Variants in RUFY4 observed in about 807,000 individuals in gnomAD.
RUFY4 encodes RUN and FYVE domain-containing protein 4.
In RUFY4, 73 loss-of-function variants were observed where a neutral mutation model predicts 69.0. The observed-to-expected ratio is 1.06, with a 90% CI of 0.88 to 1.29. The LOEUF is 1.29. Ranked by LOEUF, RUFY4 falls within the 50% of genes most tolerant of loss-of-function variation. RUFY4 has a pLI of 0.00. For synonymous variants in RUFY4, 287 were observed against 271.8 expected (o/e 1.06, Z -0.55); for missense variants, 770 against 705.6 (o/e 1.09, Z -1.03).
intron 2 of RUFY4, among the ~76,000 whole-genome samples, chr2:218,051,682 G>C (rs1444934766): frequency 6.8e-6 from 1 of 146,306 alleles, no homozygotes; most frequent in African/African-American, 2.8e-5. Flanking sequence ...TTTTGTAAAG[G>C]GAGTTTTGTG....
chr2:218,087,851 T>C (rs987611838), intron 9 of RUFY4, among the ~76,000 whole-genome samples: 2 of 151,932 alleles, frequency 1.3e-5, no homozygotes, highest in Non-Finnish European at 2.9e-5. Context: ...AAAATTACAA[T>C]GGTAGCCAAT....
intron 8 of RUFY4, among the ~76,000 whole-genome samples, chr2:218,080,752 T>G (rs987894581): frequency 6.6e-6 from 1 of 152,170 alleles, no homozygotes; most frequent in African/African-American, 2.4e-5. Flanking sequence ...TCCATCAGCA[T>G]CCTTCCCTCC....
chr2:218,072,963 C>G, intron 4 of RUFY4, 78 bp downstream of exon 6: 1 of 1,181,178 alleles, frequency 8.5e-7, no homozygotes, highest in East Asian at 2.6e-5. Context: ...CTCCTTTAAC[C>G]CCCACAGATG....
intron 2 of RUFY4, among the ~76,000 whole-genome samples, chr2:218,039,377 T>C (rs57142838): frequency 0.099 from 15,128 of 152,122 alleles, 2,357 homozygotes; most frequent in African/African-American, 0.34. Flanking sequence ...GACAATGAAT[T>C]GTGGTGGTGA....
At chr2:218,080,085 G>A (rs11676275) in intron 8 of RUFY4, among the ~76,000 whole-genome samples, 66,125 of 152,062 alleles carry the variant, frequency 0.43, 14,722 homozygotes, top group Middle Eastern at 0.6. Context: ...GGGAATGTCC[G>A]GAAGACATGC....
chr2:218,078,180 A>G (rs1434872004), intron 8 of RUFY4, among the ~76,000 whole-genome samples: 4 of 152,244 alleles, frequency 2.6e-5, no homozygotes, highest in African/African-American at 9.6e-5. Context: ...TAAAGTACCT[A>G]GGATATCAGA....
In RUFY4 at chr2:218,074,922, G is replaced by A. The variant is rs545636106; in HGVS notation, c.601-171G>A. 7.2e-5 allele frequency among the ~76,000 whole-genome samples: 11 copies of A among 152,234 alleles called. 1 individual carries two copies. Among genetic ancestry groups the A allele is most frequent in the African/African-American group, 2.6e-4 (11 of 41,534 alleles). On this transcript the variant is annotated intron_variant, in intron 6 of 10. Transcript: ENST00000344321. ...CAAAGCATGGCGCTCAGATCACCTG[G>A]GTGTTGCTAAAAGTCAGATTTGGGG...
chr2:218,090,150 G>T (rs773494923), exon 11 of RUFY4: 1 of 677,784 alleles, frequency 1.5e-6, no homozygotes, highest in Non-Finnish European at 2.5e-6. Flanking sequence ...CCTCTTGTTT[G>T]TCCAGTCCTC....
chr2:218,050,107 G>A (rs984690750), intron 2 of RUFY4, among the ~76,000 whole-genome samples: 7 of 152,134 alleles, frequency 4.6e-5, no homozygotes, highest in African/African-American at 1.7e-4. Context: ...AATCAAAGGT[G>A]TTTTTTCCAA....
chr2:218,046,022 T>A (rs1688818897), intron 2 of RUFY4, among the ~76,000 whole-genome samples: 1 of 152,024 alleles, frequency 6.6e-6, no homozygotes, highest in African/African-American at 2.4e-5. Context: ...TAGCCAGATG[T>A]TCTAGATCTC....
At chr2:218,065,964 C>T (rs574304232), upstream of RUFY4, among the ~76,000 whole-genome samples, 4 of 151,878 alleles carry the variant, frequency 2.6e-5, no homozygotes, top group South Asian at 8.3e-4. Context: ...GCCTAGCAGC[C>T]TCCCTGGGGA....
In RUFY4 at chr2:218,073,188, AG is replaced by A. The variant is rs928353593; in HGVS notation, c.387-50del. On this transcript the variant is annotated intron_variant, in intron 4 of 10. Coordinates refer to ENST00000344321, the Ensembl canonical transcript of RUFY4. Reference sequence around the variant, plus strand: ...GAGCTGGGGTGGGGGTGGTTGGGGCAGGGGGAAACAGCACCAGGGTCAAAGG... The same window carrying A: ...GAGCTGGGGTGGGGGTGGTTGGGGCAGGGGAAACAGCACCAGGGTCAAAGG... 1.1e-4 allele frequency: 154 copies of A among 1,438,074 alleles called. 1 individual carries two copies. The highest frequency in any genetic ancestry group is 1.4e-4 in the Non-Finnish European group (151 of 1,080,546). 89.1% of individuals were successfully genotyped at this position (1,438,074 alleles called of 1,614,324 possible). A position where few individuals can be genotyped will look rare whatever the true frequency, so the allele number is the denominator to read the frequency against.
rs114673719 is a variant in RUFY4 at position 218,060,656 on chromosome 2, C to G, written c.-1071+1975C>G. 8,031 of 1,345,484 alleles carry G rather than the reference C, an allele frequency of 6.0e-3. 35 individuals are homozygous for G. The highest frequency in any genetic ancestry group is 7.2e-3 in the Non-Finnish European group (6,766 of 935,984). The allele number at this position is 1,345,484 out of a possible 1,614,324, so 83.3% of individuals were successfully genotyped here. The stretch of plus-strand genomic sequence containing the variant: ...CAGCAGAGCAGGAAAATGAGGACAA[C>G]AGCAAAGATGACCCACATGGTCCAG... On this transcript the variant is annotated intron_variant and NMD_transcript_variant, in intron 3 of 13. Coordinates refer to the RUFY4 transcript ENST00000457754.
chr2:218,067,613 G>A (rs762239253), upstream of RUFY4, among the ~76,000 whole-genome samples: 3 of 152,176 alleles, frequency 2.0e-5, no homozygotes, highest in Non-Finnish European at 4.4e-5. Flanking sequence ...ACAGTTAGAG[G>A]AGGGAGGGAG....
chr2:218,075,731 C>CGAGATCAAGGTGAGAACAGTT (rs780717527), exon 7 of RUFY4: 2 of 1,440,440 alleles, frequency 1.4e-6, no homozygotes. Context: ...CCCTGCAGGA[C>CGAGATCAAGGTGAGAACAGTT]GAGATCAAGG....
exon 9 of RUFY4, chr2:218,083,180 G>A: frequency 6.2e-7 from 1 of 1,613,778 alleles, no homozygotes; most frequent in South Asian, 1.1e-5. Flanking sequence ...GAGGAGGGAT[G>A]CCATGTACCA....
At chr2:218,065,265 G>A (rs563530923), upstream of RUFY4, among the ~76,000 whole-genome samples, 44 of 152,334 alleles carry the variant, frequency 2.9e-4, no homozygotes, top group East Asian at 5.8e-3. Context: ...GAGAGGAGGG[G>A]TGGGGGGAGA....
At chr2:218,060,063 T>TCGGTGG in intron 3 of RUFY4, 269 of 273,578 alleles carry the variant, frequency 9.8e-4, no homozygotes, top group South Asian at 4.5e-3. Context: ...AGTGTAGATT[T>TCGGTGG]TCACTTCTTA....
chr2:218,068,289 G>A (rs921723599), upstream of RUFY4, among the ~76,000 whole-genome samples: 4 of 152,066 alleles, frequency 2.6e-5, no homozygotes, highest in East Asian at 1.9e-4. Context: ...CTGGAGGAGC[G>A]CAGGGGCAGG....
Sources: gnomAD v4.1 joint callset for allele counts (sites outside exome capture counted in the v4.1 genomes callset) on GRCh38, gnomAD v4.1.1 for gene constraint, MANE v1.5 for transcripts, NCBI Gene and HGNC (gene_info 2026-07-23, HGNC 2026-07-21) for gene names.